Variants in RCSD1 observed in about 807,000 individuals in gnomAD.
RCSD1 encodes the protein RCSD domain containing 1, also known as capZ-interacting protein.
Under a neutral mutation model 42.5 loss-of-function variants are expected in RCSD1, and 26 were observed. The observed-to-expected ratio is 0.61, with a 90% CI of 0.45 to 0.85. The LOEUF is 0.85. RCSD1 is among the 40% of genes least tolerant of loss of function. RCSD1 has a pLI of 0.00. For missense variants in RCSD1, 571 were observed against 528.3 expected (o/e 1.08, Z -0.79); for synonymous variants, 220 against 212.2 (o/e 1.04, Z -0.32).
chr1:167,657,136 C>T (rs1314492818), intron 1 of RCSD1, among the ~76,000 whole-genome samples: 2 of 152,222 alleles, frequency 1.3e-5, no homozygotes, highest in African/African-American at 4.8e-5. Context: ...CCATGATGTG[C>T]CTTGCACATA....
chr1:167,630,295 C>A lies in RCSD1; in HGVS notation c.-129C>A. 1 of 1,077,450 alleles carries A rather than the reference C, an allele frequency of 9.3e-7. No individual in the cohort carries two copies. The highest frequency in any genetic ancestry group is 1.2e-6 in the Non-Finnish European group (1 of 837,628). 66.7% of individuals were successfully genotyped at this position (1,077,450 alleles called of 1,614,324 possible). On this transcript the variant is annotated 5_prime_UTR_variant, in exon 1 of 7. Transcript: ENST00000367854. The stretch of plus-strand genomic sequence containing the variant: ...GCCGAGCGCAGCCGGGCGCGCGCCA[C>A]CGCCCACTCGCCCTGTGCCCGCCGC...
Position 167,697,492 on chromosome 1 carries a change from C to T in RCSD1, c.868C>T (p.Pro290Ser), listed in dbSNP as rs1296287738. The change falls in exon 6 of 7, where the codon CCA becomes TCA. Residue 290 changes from proline to serine, a missense_variant. Coordinates refer to ENST00000367854, the MANE Select transcript of RCSD1 (RefSeq NM_052862.4). Reference sequence around the variant, plus strand: ...CCCGGAATCGCCCCAGACCTCTGGCCCAGAGGCAGAAAATAGGTGTGGGAG... The same window carrying T: ...CCCGGAATCGCCCCAGACCTCTGGCTCAGAGGCAGAAAATAGGTGTGGGAG... ...EVPESPQTSG[P>S]EAENRCGSPR... 1 of 1,608,212 alleles carries T rather than the reference C, an allele frequency of 6.2e-7. No homozygotes were observed. Among genetic ancestry groups the T allele is most frequent in the Non-Finnish European group, 8.5e-7 (1 of 1,177,428 alleles).
At chr1:167,658,244 T>A (rs1658464610) in intron 1 of RCSD1, among the ~76,000 whole-genome samples, 1 of 152,192 alleles carries the variant, frequency 6.6e-6, no homozygotes, top group Non-Finnish European at 1.5e-5. Flanking sequence ...TACTTTACAT[T>A]CACATAACTA....
intron 1 of RCSD1, among the ~76,000 whole-genome samples, chr1:167,656,614 C>G (rs1307708292): frequency 6.6e-6 from 1 of 152,188 alleles, no homozygotes; most frequent in Non-Finnish European, 1.5e-5. Flanking sequence ...CACAGGTAGA[C>G]AGTGGGCTAG....
chr1:167,691,312 G>A (rs752003064), intron 4 of RCSD1, among the ~76,000 whole-genome samples: 5 of 152,234 alleles, frequency 3.3e-5, no homozygotes, highest in Non-Finnish European at 7.3e-5. Context: ...TTCAGAGCAA[G>A]AAGAGAGTAG....
intron 2 of RCSD1, among the ~76,000 whole-genome samples, chr1:167,684,400 A>C (rs563757880): frequency 6.6e-6 from 1 of 152,350 alleles, no homozygotes; most frequent in Admixed American, 6.5e-5. Context: ...GCAGACTCCA[A>C]ATCGAGAATT....
intron 2 of RCSD1, 40 bp downstream of exon 2, chr1:167,684,041 G>A: frequency 6.5e-7 from 1 of 1,538,468 alleles, no homozygotes; most frequent in South Asian, 1.1e-5. Context: ...TCAGCAGCGG[G>A]CAGGAGGAAA....
Position 167,690,046 on chromosome 1 carries a change from T to C in RCSD1, c.199-3T>C. On this transcript the variant is annotated splice_region_variant and splice_polypyrimidine_tract_variant and intron_variant, in intron 3 of 6. Transcript: ENST00000367854. ...TGGTTGTTTTGGTTGATTTGCTCCA[T>C]AGAAATCACCACCCAATGCGAGCCA... 3 of 1,614,142 alleles carry C rather than the reference T, an allele frequency of 1.9e-6. No individual in the cohort carries two copies. Among genetic ancestry groups the C allele is most frequent in the Non-Finnish European group, 2.5e-6 (3 of 1,179,978 alleles).
intron 2 of RCSD1, 42 bp from the exon 3 acceptor site, chr1:167,685,379 C>T: frequency 1.3e-6 from 2 of 1,529,448 alleles, no homozygotes; most frequent in Non-Finnish European, 1.8e-6. Flanking sequence ...CTGATCAGTG[C>T]TCTCTTTTTC....
Position 167,704,866 on chromosome 1 carries a change from C to T in RCSD1, c.*170C>T, listed in dbSNP as rs553214017. The T allele has an allele frequency of 4.0e-4, 243 of 604,264 alleles. 4 individuals carry two copies. In the South Asian group the frequency reaches 4.5e-3, roughly 11 times the overall value. 37.4% of individuals were successfully genotyped at this position (604,264 alleles called of 1,614,324 possible). A position where few individuals can be genotyped will look rare whatever the true frequency, so the allele number is the denominator to read the frequency against. ...ATTATTTCCTGGCCTCCACACCAAA[C>T]GTTCCCTTGCAGATGGAGACTGAAT... On this transcript the variant is annotated 3_prime_UTR_variant, in exon 7 of 7. Transcript: ENST00000367854.
chr1:167,668,447 C>T (rs1359056228), intron 1 of RCSD1, among the ~76,000 whole-genome samples: 1 of 152,158 alleles, frequency 6.6e-6, no homozygotes, highest in Admixed American at 6.5e-5. Flanking sequence ...AAACCTCACA[C>T]TTTGCCTGGA....
chr1:167,670,682 T>C (rs1658785629), intron 1 of RCSD1, among the ~76,000 whole-genome samples: 1 of 152,174 alleles, frequency 6.6e-6, no homozygotes, highest in Non-Finnish European at 1.5e-5. Context: ...CCCTCCACTC[T>C]GGCAACTCAC....
At chr1:167,668,733 T>G in intron 1 of RCSD1, among the ~76,000 whole-genome samples, 1 of 118,440 alleles carries the variant, frequency 8.4e-6, no homozygotes, top group African/African-American at 3.3e-5. Flanking sequence ...GTCCAAGATG[T>G]ACTAAAAAAA....
intron 1 of RCSD1, among the ~76,000 whole-genome samples, chr1:167,669,197 T>A (rs1283507356): frequency 6.6e-6 from 1 of 152,250 alleles, no homozygotes; most frequent in African/African-American, 2.4e-5. Flanking sequence ...TATCTAGAAT[T>A]TTCAAGGGAT....
intron 1 of RCSD1, among the ~76,000 whole-genome samples, chr1:167,680,278 G>A (rs1435074001): frequency 6.6e-6 from 1 of 151,936 alleles, no homozygotes; most frequent in Admixed American, 6.6e-5. Flanking sequence ...ACCAGGACCT[G>A]GAGGGTAGAT....
At chr1:167,702,049 A>G (rs1176731655) in intron 6 of RCSD1, among the ~76,000 whole-genome samples, 1 of 152,246 alleles carries the variant, frequency 6.6e-6, no homozygotes, top group Non-Finnish European at 1.5e-5. Context: ...TTATGGTTGC[A>G]TTCATGCAAT....
At chr1:167,698,125 C>T (rs533485410) in intron 6 of RCSD1, among the ~76,000 whole-genome samples, 2 of 152,272 alleles carry the variant, frequency 1.3e-5, no homozygotes, top group South Asian at 4.1e-4. Flanking sequence ...AGCCTCGGCA[C>T]GGCTCAGTAA....
chr1:167,704,570 A>C (rs989021484), intron 6 of RCSD1, 94 bp from the exon 7 acceptor site: 3 of 1,048,592 alleles, frequency 2.9e-6, no homozygotes, highest in African/African-American at 3.1e-5. Context: ...TACTGTTACT[A>C]TTATTGCCAG....
chr1:167,681,329 G>A (rs545474143), intron 1 of RCSD1, among the ~76,000 whole-genome samples: 1 of 152,204 alleles, frequency 6.6e-6, no homozygotes, highest in Non-Finnish European at 1.5e-5. Context: ...CTGGAGGGCA[G>A]ACGGTAATAA....
Sources: gnomAD v4.1 joint callset for allele counts (sites outside exome capture counted in the v4.1 genomes callset) on GRCh38, gnomAD v4.1.1 for gene constraint, MANE v1.5 for transcripts, NCBI Gene and HGNC (gene_info 2026-07-23, HGNC 2026-07-21) for gene names.